NKAIN2: variants seen among roughly 807,000 people sequenced by gnomAD.
The protein encoded by NKAIN2 is sodium/potassium transporting ATPase interacting 2, also known as sodium/potassium-transporting ATPase subunit beta-1-interacting protein 2.
A neutral mutation model predicts 32.6 loss-of-function variants in NKAIN2; 14 were observed. The observed-to-expected ratio is 0.43, with a 90% CI of 0.28 to 0.67. NKAIN2 has a LOEUF of 0.67. Among genes scored for constraint, NKAIN2 ranks in the 30% least tolerant of loss-of-function variants. The probability of loss-of-function intolerance (pLI) is 0.17; values close to 1 mark genes in which losing one functional copy is unlikely to be tolerated. For synonymous variants in NKAIN2, 80 were observed against 87.2 expected, an observed-to-expected ratio of 0.92 and a Z score of 0.46; for missense variants, 198 against 258.3, an observed-to-expected ratio of 0.77 and a Z score of 1.60.
intron 3 of NKAIN2, among the ~76,000 whole-genome samples, chr6:124,364,919 A>G (rs11154229): frequency 0.23 from 35,218 of 151,836 alleles, 4,195 homozygotes; most frequent in Admixed American, 0.3. Context: ...CACAAGAGGT[A>G]GAAAGGAGCT....
chr6:123,933,635 A>G (rs1250920386), intron 1 of NKAIN2, among the ~76,000 whole-genome samples: 1 of 152,212 alleles, frequency 6.6e-6, no homozygotes, highest in Non-Finnish European at 1.5e-5. Context: ...AGGATATGAC[A>G]AGGTTCTTTG....
intron 1 of NKAIN2, among the ~76,000 whole-genome samples, chr6:124,194,773 T>C (rs1021950350): frequency 6.6e-6 from 1 of 152,138 alleles, no homozygotes; most frequent in Non-Finnish European, 1.5e-5. Flanking sequence ...CTACATATAA[T>C]GGAAGGGAAG....
chr6:124,267,586 G>GAT (rs1794561911), intron 1 of NKAIN2, among the ~76,000 whole-genome samples: 2 of 151,700 alleles, frequency 1.3e-5, no homozygotes, highest in African/African-American at 4.8e-5. Context: ...TAATACAGTG[G>GAT]ATATATTAAA....
intron 1 of NKAIN2, among the ~76,000 whole-genome samples, chr6:124,217,900 A>C (rs1458968084): frequency 6.6e-6 from 1 of 152,112 alleles, no homozygotes; most frequent in Non-Finnish European, 1.5e-5. Flanking sequence ...AATAGTTTCT[A>C]AGATAGACCT....
At chr6:124,675,718 G>T (rs921821197) in intron 4 of NKAIN2, among the ~76,000 whole-genome samples, 72 of 151,470 alleles carry the variant, frequency 4.8e-4, no homozygotes, top group African/African-American at 1.7e-3. Flanking sequence ...TTCTGATTTT[G>T]AGTCTTCTTT....
chr6:124,299,184 G>A lies in NKAIN2; in HGVS notation c.192+16042G>A, dbSNP rs1011490154. On this transcript the variant is annotated intron_variant, in intron 2 of 6. Coordinates refer to ENST00000368417, the MANE Select transcript of NKAIN2 (RefSeq NM_001040214.3). ...AGAAGAGAAAGAAGCAGCAGCCACA[G>A]CAGCAGAAACAGCAGCAGTGTAAGA... Among the ~76,000 whole-genome samples, 5 of 152,304 alleles carry A rather than the reference G, an allele frequency of 3.3e-5. No homozygotes were observed. The East Asian group carries it at 7.7e-4, about 24-fold the overall frequency.
At chr6:124,766,349 G>A (rs1345182412) in intron 4 of NKAIN2, among the ~76,000 whole-genome samples, 2 of 152,210 alleles carry the variant, frequency 1.3e-5, no homozygotes, top group Non-Finnish European at 1.5e-5. Context: ...TGCCCTGTAA[G>A]AGTGGGTACA....
In NKAIN2 at chr6:124,303,281, G is replaced by T. The variant is rs79532405; in HGVS notation, c.192+20139G>T. ...GCAAAGTGACCCCCAAAATTGGAAG[G>T]AGCCAAGAAACCAAAGAACATGGCA... On this transcript the variant is annotated intron_variant, in intron 2 of 6. Coordinates refer to ENST00000368417, the MANE Select transcript of NKAIN2 (RefSeq NM_001040214.3). 5.9e-5 allele frequency among the ~76,000 whole-genome samples: 9 copies of T among 152,200 alleles called. No individual in the cohort carries two copies. The East Asian group carries it at 1.5e-3, about 26-fold the overall frequency.
At chr6:124,009,349 A>G (rs1290164240) in intron 1 of NKAIN2, among the ~76,000 whole-genome samples, 1 of 152,194 alleles carries the variant, frequency 6.6e-6, no homozygotes, top group African/African-American at 2.4e-5. Flanking sequence ...ATGTTTTATG[A>G]GCATGAACGG....
At chr6:124,390,499 G>T (rs1773095667) in intron 3 of NKAIN2, among the ~76,000 whole-genome samples, 12 of 152,104 alleles carry the variant, frequency 7.9e-5, no homozygotes, top group Admixed American at 7.9e-4. Flanking sequence ...TCCAAAGGAA[G>T]AAATACCATC....
intron 1 of NKAIN2, among the ~76,000 whole-genome samples, chr6:124,002,491 CTGAGT>C (rs1454067051): frequency 2.6e-5 from 4 of 150,966 alleles, no homozygotes; most frequent in Admixed American, 1.3e-4. Context: ...CATTTTCTTT[CTGAGT>C]TATTTCAAAT....
intron 1 of NKAIN2, among the ~76,000 whole-genome samples, chr6:123,846,812 C>T (rs1223795569): frequency 2.0e-5 from 3 of 148,522 alleles, no homozygotes; most frequent in African/African-American, 7.3e-5. Flanking sequence ...CTATTACCAC[C>T]CCCCACGCCA....
Position 124,615,929 on chromosome 6 carries a change from C to T in NKAIN2, c.274-42257C>T, listed in dbSNP as rs971320726. On this transcript the variant is annotated intron_variant, in intron 3 of 6. Transcript: ENST00000368417. ...GGTTGTAGTTCCAGAATTTTAATTT[C>T]TCTTATAGTTTCTACTACTCTGCTA... 4.6e-5 allele frequency among the ~76,000 whole-genome samples: 7 copies of T among 152,060 alleles called. No homozygotes were observed. The East Asian group carries it at 1.2e-3, about 25-fold the overall frequency.
At chr6:124,665,511 C>T (rs952336453) in intron 4 of NKAIN2, among the ~76,000 whole-genome samples, 1 of 152,174 alleles carries the variant, frequency 6.6e-6, no homozygotes, top group South Asian at 2.1e-4. Context: ...GTTCTCTATA[C>T]TGGCTGAGAA....
At chr6:124,596,289 T>C (rs1271650960) in intron 3 of NKAIN2, among the ~76,000 whole-genome samples, 1 of 152,050 alleles carries the variant, frequency 6.6e-6, no homozygotes, top group Non-Finnish European at 1.5e-5. Context: ...AGTACTGCCA[T>C]GTGGGCCCTG....
At chr6:124,337,309 T>C (rs1177541841) in intron 2 of NKAIN2, among the ~76,000 whole-genome samples, 1 of 152,094 alleles carries the variant, frequency 6.6e-6, no homozygotes, top group Non-Finnish European at 1.5e-5. Flanking sequence ...CCAGCCTGGA[T>C]AAGATGGCAA....
intron 2 of NKAIN2, among the ~76,000 whole-genome samples, chr6:124,295,786 T>C (rs1242531351): frequency 6.6e-6 from 1 of 152,142 alleles, no homozygotes; most frequent in Non-Finnish European, 1.5e-5. Context: ...AAAACATCTA[T>C]AATGCTCCTG....
chr6:123,823,529 G>A (rs549530838), intron 1 of NKAIN2: 1 of 152,296 alleles, frequency 6.6e-6, no homozygotes, highest in Admixed American at 6.5e-5. Flanking sequence ...TTTTGTACTT[G>A]ATGTGACCGT....
chr6:124,007,455 T>C (rs1045106966), intron 1 of NKAIN2, among the ~76,000 whole-genome samples: 1 of 152,178 alleles, frequency 6.6e-6, no homozygotes, highest in Non-Finnish European at 1.5e-5. Context: ...ATGAATATTT[T>C]TGTCAAGTCA....
Sources: allele counts gnomAD v4.1 joint callset (sites outside exome capture counted in the v4.1 genomes callset), GRCh38; gene constraint gnomAD v4.1.1; transcripts MANE v1.5; gene names NCBI Gene and HGNC (gene_info 2026-07-23, HGNC 2026-07-21).